Variants in PDE6D observed in about 807,000 individuals in gnomAD.
PDE6D encodes the protein phosphodiesterase 6D, also known as retinal rod rhodopsin-sensitive cGMP 3',5'-cyclic phosphodiesterase subunit delta.
PDE6D carries 10 observed loss-of-function variants against 21.9 expected under a neutral mutation model. The observed-to-expected ratio is 0.46, with a 90% CI of 0.28 to 0.78. The LOEUF (loss-of-function observed/expected upper bound fraction) is 0.78. Among genes scored for constraint, PDE6D ranks in the 30% least tolerant of loss-of-function variants. PDE6D has a pLI of 0.12. For synonymous variants in PDE6D, 59 were observed against 63.5 expected (o/e 0.93, Z 0.34); for missense variants, 139 against 184.8 (o/e 0.75, Z 1.44).
At position 231,748,826 on chromosome 2, in the gene PDE6D, A is replaced by C. The variant is rs1290698819; in HGVS notation, c.51-9638T>G. ...CTCGGGCTGTGGCTTCAGAGGGTGG[A>C]GGACCCAAGCCTTAGCAGCTTCCAT... is the stretch of plus-strand genomic sequence containing the variant. On this transcript the variant is annotated intron_variant, in intron 1 of 4. Transcript: ENST00000287600. Among the ~76,000 whole-genome samples the C allele has an allele frequency of 2.0e-5, 3 of 152,328 alleles. No homozygotes were observed. In the East Asian group the frequency reaches 5.8e-4, roughly 29 times the overall value.
chr2:231,779,716 C>T (rs1399610105), intron 1 of PDE6D, among the ~76,000 whole-genome samples: 1 of 152,188 alleles, frequency 6.6e-6, no homozygotes, highest in East Asian at 1.9e-4. Context: ...GAAAGTTTAT[C>T]ACAGATGGTA....
intron 1 of PDE6D, among the ~76,000 whole-genome samples, chr2:231,744,799 C>T (rs925351508): frequency 6.6e-6 from 1 of 152,126 alleles, no homozygotes; most frequent in Non-Finnish European, 1.5e-5. Context: ...ATATGTTTAG[C>T]CAGTTCAATA....
intron 1 of PDE6D, among the ~76,000 whole-genome samples, chr2:231,745,608 CAG>C (rs2048788061): frequency 6.6e-6 from 1 of 152,082 alleles, no homozygotes; most frequent in Non-Finnish European, 1.5e-5. Flanking sequence ...AATTTGGAAC[CAG>C]GCAAACATAA....
At chr2:231,767,562 G>A (rs537107926) in intron 1 of PDE6D, among the ~76,000 whole-genome samples, 4 of 152,152 alleles carry the variant, frequency 2.6e-5, no homozygotes, top group African/African-American at 4.8e-5. Context: ...TGATCTGCCC[G>A]CCTTGGCCTC....
rs943386795 is a variant in PDE6D, at chr2:231,735,794, C to T, written c.371+1393G>A. 4.6e-5 allele frequency among the ~76,000 whole-genome samples: 7 copies of T among 151,596 alleles called. No individual in the cohort carries two copies. In the East Asian group the frequency reaches 1.2e-3, roughly 25 times the overall value. Reference sequence around the variant, plus strand: ...ATCCCAGCACTTTGGGAGGTTGAGGCGGGTGGATCACCCGAGGTTAGGAGT... The same window carrying T: ...ATCCCAGCACTTTGGGAGGTTGAGGTGGGTGGATCACCCGAGGTTAGGAGT... On this transcript the variant is annotated intron_variant, in intron 4 of 4. Transcript: ENST00000287600.
chr2:231,738,667 G>A (rs1192342461), intron 2 of PDE6D, among the ~76,000 whole-genome samples: 2 of 152,092 alleles, frequency 1.3e-5, no homozygotes, highest in African/African-American at 4.8e-5. Context: ...TGTAATCCCA[G>A]CACTTTGGGA....
At chr2:231,738,454 C>T (rs1296308707) in intron 2 of PDE6D, among the ~76,000 whole-genome samples, 2 of 152,208 alleles carry the variant, frequency 1.3e-5, no homozygotes, top group African/African-American at 4.8e-5. Flanking sequence ...CTTCTCTCTA[C>T]TCTGTTCTGG....
intron 1 of PDE6D, among the ~76,000 whole-genome samples, chr2:231,771,408 G>A (rs185061909): frequency 3.0e-4 from 46 of 152,300 alleles, no homozygotes; most frequent in Admixed American, 4.6e-4. Context: ...TTCTGCCTTC[G>A]TCTAAGTGAC....
At chr2:231,766,733 C>T (rs909257555) in intron 1 of PDE6D, among the ~76,000 whole-genome samples, 3 of 152,098 alleles carry the variant, frequency 2.0e-5, no homozygotes, top group Non-Finnish European at 2.9e-5. Context: ...TGGCTCATGC[C>T]TATTATCCCA....
intron 1 of PDE6D, among the ~76,000 whole-genome samples, chr2:231,749,660 T>C (rs547370776): frequency 6.6e-6 from 1 of 152,212 alleles, no homozygotes; most frequent in East Asian, 1.9e-4. Context: ...GCCTCTCAAG[T>C]AGCTGAGATT....
Position 231,738,007 on chromosome 2 carries a change from G to T in PDE6D, c.265+6C>A. On this transcript the variant is annotated splice_donor_region_variant and intron_variant, in intron 3 of 4. Coordinates refer to ENST00000287600, the MANE Select transcript of PDE6D (RefSeq NM_002601.4). The stretch of plus-strand genomic sequence containing the variant: ...CCTGATTTCAGGCATGTAGGCAGCA[G>T]AATACCTTCTAGGCATTGCCCTTTG... 6.2e-7 allele frequency: 1 copy of T among 1,613,052 alleles called. No individual in the cohort carries two copies. The highest frequency in any genetic ancestry group is 8.5e-7 in the Non-Finnish European group (1 of 1,179,522).
chr2:231,738,512 A>G (rs931343903), intron 2 of PDE6D, among the ~76,000 whole-genome samples: 1 of 152,190 alleles, frequency 6.6e-6, no homozygotes, highest in Non-Finnish European at 1.5e-5. Flanking sequence ...ATAAAAATGC[A>G]AATTTTCTTT....
chr2:231,734,377 G>A (rs1212176982), intron 4 of PDE6D, among the ~76,000 whole-genome samples: 1 of 150,872 alleles, frequency 6.6e-6, no homozygotes, highest in Non-Finnish European at 1.5e-5. Context: ...GAGACAGAGC[G>A]AGACCGTCTC....
At chr2:231,763,458 A>C (rs2048947500) in intron 1 of PDE6D, among the ~76,000 whole-genome samples, 1 of 152,120 alleles carries the variant, frequency 6.6e-6, no homozygotes, top group African/African-American at 2.4e-5. Flanking sequence ...TGGGGATTCC[A>C]CAGCTGTACC....
In PDE6D at chr2:231,733,024, A is replaced by T; in HGVS notation, c.381T>A (p.Val127=). The T allele has an allele frequency of 6.2e-7, 1 of 1,603,864 alleles. No homozygotes were observed. Among genetic ancestry groups the T allele is most frequent in the Non-Finnish European group, 8.5e-7 (1 of 1,170,648 alleles). The change falls in exon 5 of 5, where the codon GTT becomes GTA. Residue 127 remains valine (V), a synonymous_variant. Transcript: ENST00000287600. ...MMPASVLTGN[V]IIETKFFDDD... is the part of the protein sequence containing the mutation. ...CGTCAAAAAACTTTGTTTCTATGAT[A>T]ACGTTCCCACTGTAAGTAAGAAGAG... is the stretch of plus-strand genomic sequence containing the variant.
chr2:231,776,692 C>T (rs2049060586), intron 1 of PDE6D, among the ~76,000 whole-genome samples: 1 of 152,100 alleles, frequency 6.6e-6, no homozygotes, highest in Admixed American at 6.6e-5. Context: ...GTGTAGAGTG[C>T]CCTATACATA....
intron 1 of PDE6D, among the ~76,000 whole-genome samples, chr2:231,772,853 C>T (rs1382708411): frequency 6.6e-6 from 1 of 152,190 alleles, no homozygotes; most frequent in Non-Finnish European, 1.5e-5. Flanking sequence ...ACAACCCTGG[C>T]AAGAAACTTA....
chr2:231,776,641 G>C (rs1574637665), intron 1 of PDE6D, among the ~76,000 whole-genome samples: 1 of 152,168 alleles, frequency 6.6e-6, no homozygotes, highest in Non-Finnish European at 1.5e-5. Context: ...TAAGCTTCTG[G>C]AAAGAAGGGA....
At chr2:231,761,818 A>C (rs980826887) in intron 1 of PDE6D, among the ~76,000 whole-genome samples, 1 of 152,184 alleles carries the variant, frequency 6.6e-6, no homozygotes, top group African/African-American at 2.4e-5. Flanking sequence ...TGGTGCTCCC[A>C]GCAGTCAAAT....
Sources: gnomAD v4.1 joint callset for allele counts (sites outside exome capture counted in the v4.1 genomes callset) on GRCh38, gnomAD v4.1.1 for gene constraint, MANE v1.5 for transcripts, NCBI Gene and HGNC (gene_info 2026-07-23, HGNC 2026-07-21) for gene names.